Variants in MAMLD1 observed in about 807,000 individuals in gnomAD.
MAMLD1 encodes mastermind like domain containing 1.
In MAMLD1, 14 loss-of-function variants were observed where a neutral mutation model predicts 45.0. That is an observed-to-expected ratio of 0.31 (90% CI 0.21 to 0.49). The LOEUF is 0.49. Among genes scored for constraint, MAMLD1 ranks in the 20% least tolerant of loss-of-function variants. The pLI, the probability that MAMLD1 is intolerant of heterozygous loss-of-function variation, is 0.99. For synonymous variants in MAMLD1, 254 were observed against 247.8 expected (o/e 1.02, Z -0.24); for missense variants, 543 against 603.6 (o/e 0.90, Z 1.05).
upstream of MAMLD1, among the ~76,000 whole-genome samples, chrX:150,362,340 C>G (rs782110093): frequency 5.4e-5 from 6 of 111,096 alleles, no homozygotes; most frequent in Non-Finnish European, 7.6e-5. Flanking sequence ...ATGAGACTCC[C>G]GTCCCTGTGA....
intron 5 of MAMLD1, among the ~76,000 whole-genome samples, chrX:150,498,480 T>C (rs181395784): frequency 2.7e-4 from 30 of 112,454 alleles, no homozygotes; most frequent in African/African-American, 9.7e-4. Flanking sequence ...ACTCTCTTTT[T>C]CCAGAGCCTG....
At chrX:150,508,868 G>C (rs1160907163) in intron 6 of MAMLD1, among the ~76,000 whole-genome samples, 1 of 111,953 alleles carries the variant, frequency 8.9e-6, no homozygotes, top group Non-Finnish European at 1.9e-5. Flanking sequence ...GGCAGCAGTT[G>C]AGCAGAGATG....
chrX:150,445,922 T>A (rs186883966), intron 2 of MAMLD1, among the ~76,000 whole-genome samples: 321 of 111,727 alleles, frequency 2.9e-3, no homozygotes, highest in Middle Eastern at 4.7e-3. Context: ...AGTTTACTTT[T>A]TCTCTTAATA....
chrX:150,409,354 C>G (rs2034070026), intron 1 of MAMLD1, among the ~76,000 whole-genome samples: 1 of 110,645 alleles, frequency 9.0e-6, no homozygotes, highest in African/African-American at 3.3e-5. Context: ...GGCAGGCAGG[C>G]CTGGCAGGCT....
intron 1 of MAMLD1, among the ~76,000 whole-genome samples, chrX:150,365,397 CG>C (rs1362487676): frequency 8.9e-6 from 1 of 112,690 alleles, no homozygotes; most frequent in Non-Finnish European, 1.9e-5. Flanking sequence ...TCCTGGCGGC[CG>C]GGACGGCCGA....
At chrX:150,367,373 A>C (rs1457625608) in intron 1 of MAMLD1, among the ~76,000 whole-genome samples, 1 of 111,493 alleles carries the variant, frequency 9.0e-6, no homozygotes, top group African/African-American at 3.3e-5. Flanking sequence ...AGCATGTTTA[A>C]TGTATTTTCT....
In MAMLD1 at chrX:150,471,384, A is replaced by G; in HGVS notation, c.1811A>G (p.Gln604Arg). 8.3e-7 allele frequency: 1 copy of G among 1,212,038 alleles called. No homozygotes were observed. Among genetic ancestry groups the G allele is most frequent in the Non-Finnish European group, 1.1e-6 (1 of 895,448 alleles). The change falls in exon 4 of 8, where the codon CAG becomes CGG. Residue 604 changes from glutamine to arginine, a missense_variant. Physicochemically the swap from Gln to Arg is conservative, Grantham distance 43. Coordinates refer to ENST00000370401, the MANE Select transcript of MAMLD1 (RefSeq NM_005491.5). ...LQLQQQQQQQQQQPDHSSFLL... is the reference protein window; with the variant it reads ...LQLQQQQQQQRQQPDHSSFLL... ...CTGCAGCAGCAGCAGCAGCAACAGC[A>G]GCAGCAGCCTGACCATTCTTCATTC...
chrX:150,413,759 T>C (rs1052959257), intron 1 of MAMLD1, among the ~76,000 whole-genome samples: 4 of 110,438 alleles, frequency 3.6e-5, no homozygotes, highest in African/African-American at 1.3e-4. Context: ...AAAGAGACTG[T>C]CATACCCCAC....
intron 5 of MAMLD1, 35 bp downstream of exon 5, chrX:150,473,837 G>C: frequency 8.4e-7 from 1 of 1,189,461 alleles, no homozygotes; most frequent in Non-Finnish European, 1.1e-6. Flanking sequence ...CTTCAATTGG[G>C]TACATTTTTG....
chrX:150,398,313 A>G (rs797040032), intron 1 of MAMLD1, among the ~76,000 whole-genome samples: 3 of 99,698 alleles, frequency 3.0e-5, no homozygotes, highest in Non-Finnish European at 4.1e-5. Context: ...AAGAAGAAGA[A>G]GAAGAAGAAG....
At chrX:150,492,435 T>G (rs7061912) in intron 5 of MAMLD1, among the ~76,000 whole-genome samples, 28,551 of 112,038 alleles carry the variant, frequency 0.25, 3,133 homozygotes, top group East Asian at 0.46. Flanking sequence ...TTGCTTCTTG[T>G]ATAGATCTGT....
intron 5 of MAMLD1, among the ~76,000 whole-genome samples, chrX:150,497,283 C>CTT (rs782269885): frequency 0.023 from 2,001 of 85,200 alleles, 94 homozygotes; most frequent in African/African-American, 0.083. Flanking sequence ...TCTTTTTTTT[C>CTT]TTTTTTTTTT....
chrX:150,437,884 G>A (rs1557404347), intron 1 of MAMLD1, among the ~76,000 whole-genome samples: 1 of 111,145 alleles, frequency 9.0e-6, no homozygotes, highest in African/African-American at 3.3e-5. Context: ...CTTAATCTCT[G>A]GAAACCACTA....
Position 150,513,113 on chromosome X carries a change from C to T in MAMLD1, c.*1154C>T. 1 of 1,090,960 alleles carries T rather than the reference C, an allele frequency of 9.2e-7. No homozygotes were observed. Among genetic ancestry groups the T allele is most frequent in the Non-Finnish European group, 1.2e-6 (1 of 824,637 alleles). 89.9% of individuals were successfully genotyped at this position (1,090,960 alleles called of 1,213,427 possible). On this transcript the variant is annotated 3_prime_UTR_variant, in exon 8 of 8. Coordinates refer to ENST00000370401, the MANE Select transcript of MAMLD1 (RefSeq NM_005491.5). Reference sequence around the variant, plus strand: ...CCCATAGAAACCCCCATGGTGACATCACTCTAGGAAGTGGTGTCGATCCAT... The same window carrying T: ...CCCATAGAAACCCCCATGGTGACATTACTCTAGGAAGTGGTGTCGATCCAT...
At chrX:150,382,857 T>C (rs1557401795) in intron 1 of MAMLD1, among the ~76,000 whole-genome samples, 1 of 105,832 alleles carries the variant, frequency 9.4e-6, no homozygotes, top group Non-Finnish European at 1.9e-5. Context: ...ACACTTCAGA[T>C]TACAAATATT....
At chrX:150,487,431 G>A (rs1005729157) in intron 5 of MAMLD1, among the ~76,000 whole-genome samples, 2 of 112,223 alleles carry the variant, frequency 1.8e-5, no homozygotes, top group African/African-American at 6.5e-5. Flanking sequence ...AAAGATAAAG[G>A]CTTTCCCATC....
intron 1 of MAMLD1, among the ~76,000 whole-genome samples, chrX:150,425,055 A>G (rs1283704076): frequency 8.9e-6 from 1 of 112,307 alleles, no homozygotes; most frequent in African/African-American, 3.2e-5. Flanking sequence ...CATCCATGTT[A>G]TAACATGGAT....
At chrX:150,493,111 A>G (rs1005867561) in intron 5 of MAMLD1, among the ~76,000 whole-genome samples, 2 of 111,812 alleles carry the variant, frequency 1.8e-5, no homozygotes, top group African/African-American at 3.3e-5. Context: ...GTCTGTGTGG[A>G]CCAAATCTGG....
intron 3 of MAMLD1, among the ~76,000 whole-genome samples, chrX:150,466,015 G>C (rs1358656626): frequency 8.9e-6 from 1 of 112,502 alleles, no homozygotes; most frequent in African/African-American, 3.2e-5. Context: ...AGTCTGGGCA[G>C]GCAAAACCTC....
Sources: gnomAD v4.1 joint callset for allele counts (sites outside exome capture counted in the v4.1 genomes callset) on GRCh38, gnomAD v4.1.1 for gene constraint, MANE v1.5 for transcripts, NCBI Gene and HGNC (gene_info 2026-07-23, HGNC 2026-07-21) for gene names.